Variants in GABRG3 observed in about 807,000 individuals in gnomAD.
The protein encoded by GABRG3 is gamma-aminobutyric acid receptor subunit gamma-3.
In GABRG3, 25 loss-of-function variants were observed where a neutral mutation model predicts 48.8. That is an observed-to-expected ratio of 0.51 (90% CI 0.37 to 0.72). The LOEUF is 0.72. Ranked by LOEUF, GABRG3 falls within the 30% of genes least tolerant of loss-of-function variation. GABRG3 has a pLI of 0.00. For synonymous variants in GABRG3, 227 were observed against 217.6 expected (o/e 1.04, Z -0.38); for missense variants, 394 against 577.9 (o/e 0.68, Z 3.26).
intron 5 of GABRG3, among the ~76,000 whole-genome samples, chr15:27,368,896 G>A (rs750292617): frequency 6.6e-6 from 1 of 152,154 alleles, no homozygotes; most frequent in Non-Finnish European, 1.5e-5. Context: ...CTCTCCCAAT[G>A]AAGCTCCAAG....
At chr15:27,211,251 T>C (rs6422903) in intron 3 of GABRG3, among the ~76,000 whole-genome samples, 98,087 of 152,022 alleles carry the variant, frequency 0.65, 32,180 homozygotes, top group East Asian at 0.89. Context: ...ACAGAAGCAG[T>C]GCCATGATTT....
chr15:27,260,141 A>G (rs1215748812), intron 3 of GABRG3, among the ~76,000 whole-genome samples: 3 of 152,150 alleles, frequency 2.0e-5, no homozygotes, highest in Non-Finnish European at 2.9e-5. Flanking sequence ...GGCTTAAACA[A>G]TGGAAATGTA....
intron 6 of GABRG3, among the ~76,000 whole-genome samples, chr15:27,486,099 T>C (rs1890212711): frequency 6.6e-6 from 1 of 152,176 alleles, no homozygotes; most frequent in Non-Finnish European, 1.5e-5. Flanking sequence ...AAGGCTGCTT[T>C]GCAGTGGGCA....
intron 3 of GABRG3, among the ~76,000 whole-genome samples, chr15:27,320,765 G>T (rs1308045881): frequency 6.6e-6 from 1 of 152,094 alleles, no homozygotes; most frequent in South Asian, 2.1e-4. Context: ...ATTCCTTTTA[G>T]ATGTGATTTT....
chr15:27,441,222 A>G (rs190687270), intron 5 of GABRG3, among the ~76,000 whole-genome samples: 2 of 152,366 alleles, frequency 1.3e-5, no homozygotes, highest in Non-Finnish European at 2.9e-5. Flanking sequence ...TTTCAAAGGA[A>G]TGGAATACTG....
At chr15:27,028,222 G>A (rs1211477044) in intron 3 of GABRG3, among the ~76,000 whole-genome samples, 1 of 152,274 alleles carries the variant, frequency 6.6e-6, no homozygotes, top group East Asian at 1.9e-4. Flanking sequence ...TCTCCAGTGA[G>A]GTCCTCTTCA....
chr15:27,090,933 G>T (rs558425714), intron 3 of GABRG3, among the ~76,000 whole-genome samples: 5 of 152,022 alleles, frequency 3.3e-5, no homozygotes, highest in Non-Finnish European at 7.4e-5. Context: ...TACATATAAG[G>T]GTGTATCATA....
intron 2 of GABRG3, among the ~76,000 whole-genome samples, chr15:27,000,905 AT>A (rs1204675097): frequency 6.6e-6 from 1 of 152,136 alleles, no homozygotes; most frequent in Non-Finnish European, 1.5e-5. Flanking sequence ...AATTTTGACT[AT>A]TTCCACTCTA....
chr15:27,220,868 T>G (rs1247385214), intron 3 of GABRG3, among the ~76,000 whole-genome samples: 1 of 152,160 alleles, frequency 6.6e-6, no homozygotes, highest in East Asian at 1.9e-4. Flanking sequence ...ATCTCTGCCC[T>G]GTTTCATCAT....
At chr15:27,494,415 T>C (rs1385421680) in intron 6 of GABRG3, among the ~76,000 whole-genome samples, 2 of 152,004 alleles carry the variant, frequency 1.3e-5, no homozygotes, top group Admixed American at 1.3e-4. Flanking sequence ...TTGTGTAGAA[T>C]TGGTGTTAAT....
intron 3 of GABRG3, among the ~76,000 whole-genome samples, chr15:27,306,210 T>C (rs1202565037): frequency 1.6e-5 from 2 of 127,738 alleles, no homozygotes; most frequent in Non-Finnish European, 3.2e-5. Flanking sequence ...AATATAAACA[T>C]ATGTAATATA....
chr15:27,145,062 A>G (rs927014048), intron 3 of GABRG3, among the ~76,000 whole-genome samples: 1 of 152,226 alleles, frequency 6.6e-6, no homozygotes, highest in Non-Finnish European at 1.5e-5. Flanking sequence ...AAGATTTGCC[A>G]CATTATGTTA....
chr15:27,353,841 C>T (rs1245125136), intron 5 of GABRG3, among the ~76,000 whole-genome samples: 1 of 152,170 alleles, frequency 6.6e-6, no homozygotes, highest in African/African-American at 2.4e-5. Flanking sequence ...AGTACCCGCT[C>T]CTCAGCCCTG....
At chr15:27,296,568 G>A (rs1232638336) in intron 3 of GABRG3, among the ~76,000 whole-genome samples, 2 of 151,986 alleles carry the variant, frequency 1.3e-5, no homozygotes, top group Non-Finnish European at 2.9e-5. Flanking sequence ...AGTCAACAGT[G>A]GACCACATAT....
At chr15:27,152,892 G>T (rs1031782860) in intron 3 of GABRG3, among the ~76,000 whole-genome samples, 2 of 141,706 alleles carry the variant, frequency 1.4e-5, no homozygotes. Context: ...ATGGAGTCTC[G>T]CTCTGTCGCC....
chr15:27,114,238 T>C (rs777247820), intron 3 of GABRG3, among the ~76,000 whole-genome samples: 7 of 152,354 alleles, frequency 4.6e-5, no homozygotes, highest in Middle Eastern at 3.4e-3. Flanking sequence ...AAATAGTATT[T>C]AGAGACTGCT....
Position 27,532,985 on chromosome 15 carries a change from C to G in GABRG3, c.*104C>G. On this transcript the variant is annotated 3_prime_UTR_variant, in exon 10 of 10. Coordinates refer to ENST00000615808, the MANE Select transcript of GABRG3 (RefSeq NM_033223.5). ...CGGGAGTAGCAAGGAAGGACACTGC[C>G]CAGTGTATCTTGTTATAAATGACCT... is the stretch of plus-strand genomic sequence containing the variant. The G allele has an allele frequency of 9.5e-7, 1 of 1,047,772 alleles. No individual in the cohort carries two copies. The highest frequency in any genetic ancestry group is 1.4e-6 in the Non-Finnish European group (1 of 728,042). 64.9% of individuals were successfully genotyped at this position (1,047,772 alleles called of 1,614,324 possible).
At chr15:27,094,616 C>T (rs1595521079) in intron 3 of GABRG3, among the ~76,000 whole-genome samples, 1 of 152,226 alleles carries the variant, frequency 6.6e-6, no homozygotes, top group South Asian at 2.1e-4. Flanking sequence ...CAGGGAGAGC[C>T]TTCCCTTGTT....
At chr15:27,238,746 A>G (rs187863329) in intron 3 of GABRG3, among the ~76,000 whole-genome samples, 5 of 152,318 alleles carry the variant, frequency 3.3e-5, no homozygotes, top group Non-Finnish European at 5.9e-5. Context: ...TCAGTCACTT[A>G]AGAGTTTGTT....
Sources: gnomAD v4.1 joint callset for allele counts (sites outside exome capture counted in the v4.1 genomes callset) on GRCh38, gnomAD v4.1.1 for gene constraint, MANE v1.5 for transcripts, NCBI Gene and HGNC (gene_info 2026-07-23, HGNC 2026-07-21) for gene names.